LSAMP: variants seen among roughly 807,000 people sequenced by gnomAD.
LSAMP encodes the protein limbic system-associated membrane protein.
A neutral mutation model predicts 38.6 loss-of-function variants in LSAMP; 7 were observed. The ratio of observed to expected loss-of-function variants is 0.18; its 90% CI spans 0.10 to 0.34. The LOEUF (loss-of-function observed/expected upper bound fraction) is 0.34, where lower values mean the gene tolerates loss of function less well. Ranked by LOEUF, LSAMP falls within the 10% of genes least tolerant of loss-of-function variation. LSAMP has a pLI of 1.00. For synonymous variants in LSAMP, 154 were observed against 166.8 expected (o/e 0.92, Z 0.59); for missense variants, 313 against 420.0 (o/e 0.75, Z 2.23).
intron 1 of LSAMP, among the ~76,000 whole-genome samples, chr3:116,387,087 G>T (rs1267583308): frequency 6.6e-6 from 1 of 152,154 alleles, no homozygotes; most frequent in Non-Finnish European, 1.5e-5. Flanking sequence ...ATGGATATCA[G>T]CCTAAGAAGT....
chr3:115,870,054 A>G (rs868080741), intron 3 of LSAMP, among the ~76,000 whole-genome samples: 1 of 152,104 alleles, frequency 6.6e-6, no homozygotes, highest in Non-Finnish European at 1.5e-5. Flanking sequence ...ATTTTTTGAC[A>G]CATAAAAATT....
chr3:116,058,960 A>G (rs1039024926), intron 2 of LSAMP, among the ~76,000 whole-genome samples: 2 of 151,982 alleles, frequency 1.3e-5, no homozygotes, highest in East Asian at 1.9e-4. Context: ...ATCATTTCCA[A>G]TCAACACTGA....
Position 115,984,409 on chromosome 3 carries a change from GAGAA to G in LSAMP, c.514+35102_514+35105del, listed in dbSNP as rs1939452598. On this transcript the variant is annotated intron_variant, in intron 3 of 6. Coordinates refer to ENST00000490035, the MANE Select transcript of LSAMP (RefSeq NM_002338.5). ...GTATGCTAAAATAAGAGCATCCAAG[GAGAA>G]AGAAAGAATCAGTGATTTTCTTCCA... is the stretch of plus-strand genomic sequence containing the variant. Among the ~76,000 whole-genome samples, 2 of 152,196 alleles carry G rather than the reference GAGAA, an allele frequency of 1.3e-5. 1 individual carries two copies. The highest frequency in any genetic ancestry group is 4.1e-4 in the South Asian group (2 of 4,822).
chr3:116,210,927 A>G (rs556757561), intron 1 of LSAMP, among the ~76,000 whole-genome samples: 121 of 152,324 alleles, frequency 7.9e-4, no homozygotes, highest in African/African-American at 2.8e-3. Context: ...TAAGGATTCA[A>G]CGTCTATGTC....
intron 1 of LSAMP, among the ~76,000 whole-genome samples, chr3:116,336,884 G>A (rs1459655103): frequency 2.0e-5 from 3 of 151,574 alleles, no homozygotes; most frequent in South Asian, 4.2e-4. Flanking sequence ...AAATGTAGAA[G>A]CAATGCAAGT....
chr3:115,939,574 T>TTCTTTCTTTCTC (rs1559889099), intron 3 of LSAMP, among the ~76,000 whole-genome samples: 1 of 149,470 alleles, frequency 6.7e-6, no homozygotes, highest in African/African-American at 2.5e-5. Flanking sequence ...CTTTCTTTCT[T>TTCTTTCTTTCTC]TCTTTCTTTC....
chr3:115,997,753 T>TATACAC (rs1377845663), intron 3 of LSAMP, among the ~76,000 whole-genome samples: 64 of 124,926 alleles, frequency 5.1e-4, no homozygotes, highest in African/African-American at 1.5e-3. Context: ...TATATATATA[T>TATACAC]ACACACACAT....
intron 1 of LSAMP, among the ~76,000 whole-genome samples, chr3:116,441,683 T>G (rs903908026): frequency 1.3e-5 from 2 of 152,194 alleles, no homozygotes; most frequent in African/African-American, 4.8e-5. Flanking sequence ...GTAATTGAAC[T>G]CTTACTCCTG....
chr3:116,440,014 C>T (rs139021397), intron 1 of LSAMP, among the ~76,000 whole-genome samples: 1 of 152,346 alleles, frequency 6.6e-6, no homozygotes, highest in Non-Finnish European at 1.5e-5. Context: ...AGCCACCGCA[C>T]CCAGCTGACA....
intron 4 of LSAMP, among the ~76,000 whole-genome samples, chr3:115,847,095 T>C (rs1346088953): frequency 6.6e-6 from 1 of 152,220 alleles, no homozygotes; most frequent in Non-Finnish European, 1.5e-5. Flanking sequence ...TATAGTATTA[T>C]TATTCACTTG....
chr3:116,282,761 C>G (rs7639095), intron 1 of LSAMP, among the ~76,000 whole-genome samples: 2 of 151,364 alleles, frequency 1.3e-5, no homozygotes, highest in African/African-American at 2.4e-5. Flanking sequence ...ATACTCCCCC[C>G]ACCCCCCAAA....
intron 1 of LSAMP, among the ~76,000 whole-genome samples, chr3:116,401,573 C>CT (rs1242266400): frequency 6.6e-6 from 1 of 152,218 alleles, no homozygotes; most frequent in Non-Finnish European, 1.5e-5. Flanking sequence ...TGAGCCACTG[C>CT]TCCTGGCTGT....
At chr3:116,163,501 G>A (rs1709952563) in intron 1 of LSAMP, among the ~76,000 whole-genome samples, 1 of 150,416 alleles carries the variant, frequency 6.6e-6, no homozygotes, top group South Asian at 2.1e-4. Context: ...TTGGTTCCAA[G>A]TCTTTGCTAT....
intron 3 of LSAMP, among the ~76,000 whole-genome samples, chr3:115,958,989 G>A (rs891494002): frequency 6.6e-6 from 1 of 152,126 alleles, no homozygotes; most frequent in Admixed American, 6.6e-5. Flanking sequence ...TGTGCCTAGA[G>A]GGAGGAGTGC....
intron 3 of LSAMP, among the ~76,000 whole-genome samples, chr3:115,998,080 A>C (rs1386757361): frequency 7.3e-6 from 1 of 136,084 alleles, no homozygotes; most frequent in African/African-American, 3.0e-5. Context: ...GACAATCAAA[A>C]AATGTCTCCA....
At chr3:116,145,531 T>C (rs1432972174) in intron 1 of LSAMP, among the ~76,000 whole-genome samples, 1 of 151,954 alleles carries the variant, frequency 6.6e-6, no homozygotes, top group African/African-American at 2.4e-5. Context: ...CCTCAACTGA[T>C]TGAATGAGGT....
chr3:116,198,545 G>A (rs1369545096), intron 1 of LSAMP, among the ~76,000 whole-genome samples: 1 of 151,956 alleles, frequency 6.6e-6, no homozygotes, highest in Non-Finnish European at 1.5e-5. Flanking sequence ...CGAGGCTGGC[G>A]GATCACGAGG....
chr3:116,241,460 G>A (rs896828404), intron 1 of LSAMP, among the ~76,000 whole-genome samples: 1 of 152,038 alleles, frequency 6.6e-6, no homozygotes, highest in Admixed American at 6.5e-5. Context: ...CAGCTACTCG[G>A]GAGGGTGAGG....
intron 1 of LSAMP, among the ~76,000 whole-genome samples, chr3:116,327,692 T>A (rs2047792468): frequency 6.6e-6 from 1 of 152,162 alleles, no homozygotes; most frequent in Non-Finnish European, 1.5e-5. Flanking sequence ...AAAAGTTGAG[T>A]ATCGGGTAGA....
Sources: gnomAD v4.1 joint callset for allele counts (sites outside exome capture counted in the v4.1 genomes callset) on GRCh38, gnomAD v4.1.1 for gene constraint, MANE v1.5 for transcripts, NCBI Gene and HGNC (gene_info 2026-07-23, HGNC 2026-07-21) for gene names.